LHX9: variants seen among roughly 807,000 people sequenced by gnomAD.
LHX9 encodes the protein LIM homeobox 9, also known as LIM/homeobox protein Lhx9.
A neutral mutation model predicts 36.5 loss-of-function variants in LHX9; 9 were observed. That is an observed-to-expected ratio of 0.25 (90% CI 0.15 to 0.43). The LOEUF is 0.43. LHX9 is among the 20% of genes least tolerant of loss of function. The pLI is 1.00. For synonymous variants in LHX9, 211 were observed against 212.1 expected (o/e 0.99, Z 0.04); for missense variants, 464 against 526.4 (o/e 0.88, Z 1.16).
rs1263161767 is a variant in LHX9 at position 197,918,984 on chromosome 1, A to G, written c.174+987A>G. Among the ~76,000 whole-genome samples, 4 of 152,282 alleles carry G rather than the reference A, an allele frequency of 2.6e-5. No individual in the cohort carries two copies. In the East Asian group the frequency reaches 7.7e-4, roughly 29 times the overall value. On this transcript the variant is annotated intron_variant, in intron 1 of 4. Transcript: ENST00000367387. Reference sequence around the variant, plus strand: ...GAACGTGTCTATATTTGTAACACTCATTCAGTGCCGGGGCCCCTGGTCGGA... The same window carrying G: ...GAACGTGTCTATATTTGTAACACTCGTTCAGTGCCGGGGCCCCTGGTCGGA...
In LHX9 at chr1:197,921,256, G is replaced by T. The variant is rs1331338663; in HGVS notation, c.378-48G>T. On this transcript the variant is annotated intron_variant, in intron 2 of 4. Transcript: ENST00000367387. This position sits in a 1 kb window ranked among gnomAD's most constrained non-coding sequence, Gnocchi z 4.6. The stretch of plus-strand genomic sequence containing the variant: ...ACCCAGGTGTCGCGGGTGGGATATG[G>T]CTCTGCCTTGCTTCAACTAGCGCCC... 1.3e-6 allele frequency: 2 copies of T among 1,534,078 alleles called. No homozygotes were observed. Among genetic ancestry groups the T allele is most frequent in the Non-Finnish European group, 8.9e-7 (1 of 1,126,924 alleles).
intron 3 of LHX9, among the ~76,000 whole-genome samples, chr1:197,923,663 T>A (rs4915253): frequency 1 from 152,156 of 152,336 alleles, 75,989 homozygotes; most frequent in East Asian, 1. Flanking sequence ...TAATCTAATT[T>A]GCTAAATTTG....
In LHX9 at chr1:197,929,113, A is replaced by G; in HGVS notation, c.1048A>G (p.Ser350Gly). 6.2e-7 allele frequency: 1 copy of G among 1,613,750 alleles called. No homozygotes were observed. The highest frequency in any genetic ancestry group is 1.1e-5 in the South Asian group (1 of 91,054). Residue 350 changes from serine (S) to glycine (G), a missense_variant, in exon 5 of 5, where the codon AGC becomes GGC. By Grantham distance (56) the Ser-to-Gly change is moderately conservative. This residue lies in a region of LHX9 where 102 missense variants were observed against 97.0 expected (regional missense o/e 1.05). Coordinates refer to ENST00000367387, the MANE Select transcript of LHX9 (RefSeq NM_020204.3). ...TSLPAPPSAD[S>G]GALTPPGTAT... is the part of the protein sequence containing the mutation. The stretch of plus-strand genomic sequence containing the variant: ...GCTTCCGGCCCCGCCCTCAGCAGAC[A>G]GCGGAGCTCTCACTCCACCCGGCAC...
chr1:197,927,072 T>C (rs930143850), intron 3 of LHX9, among the ~76,000 whole-genome samples: 2 of 152,196 alleles, frequency 1.3e-5, no homozygotes, highest in Non-Finnish European at 2.9e-5. Flanking sequence ...CCTTAGTTGG[T>C]GGGCTCTCAG....
chr1:197,924,153 A>G (rs1376021759), intron 3 of LHX9, among the ~76,000 whole-genome samples: 2 of 152,192 alleles, frequency 1.3e-5, no homozygotes, highest in Non-Finnish European at 2.9e-5. Flanking sequence ...CCCTTCAGCA[A>G]ATTAAACACG....
In LHX9 at chr1:197,929,483, G is replaced by C. The variant is rs1660264669; in HGVS notation, c.*224G>C. 3.9e-6 allele frequency: 4 copies of C among 1,027,006 alleles called. No individual in the cohort carries two copies. Among genetic ancestry groups the C allele is most frequent in the South Asian group, 9.3e-5 (2 of 21,424 alleles). The allele number at this position is 1,027,006 out of a possible 1,614,324, so 63.6% of individuals were successfully genotyped here. On this transcript the variant is annotated 3_prime_UTR_variant, in exon 5 of 5. Coordinates refer to ENST00000367387, the MANE Select transcript of LHX9 (RefSeq NM_020204.3). Reference sequence around the variant, plus strand: ...ATATTTTGTCTACAAAGTGTATTTGGATTTAAAAAAATTAATTAGGTCTTT... The same window carrying C: ...ATATTTTGTCTACAAAGTGTATTTGCATTTAAAAAAATTAATTAGGTCTTT...
intron 1 of LHX9, chr1:197,918,507 G>T: frequency 1.6e-6 from 1 of 642,814 alleles, no homozygotes; most frequent in Non-Finnish European, 2.8e-6. Context: ...CTCGGGGCTT[G>T]GGACCCCTAA....
chr1:197,916,735 C>G (rs755792706), upstream of LHX9: 5 of 702,954 alleles, frequency 7.1e-6, no homozygotes, highest in South Asian at 4.4e-5. Context: ...CTAGTAGGGT[C>G]TCCGGCCCTC....
At chr1:197,917,090 ATGTGTG>A (rs5779891), upstream of LHX9, 882 of 157,584 alleles carry the variant, frequency 5.6e-3, 6 homozygotes, top group African/African-American at 0.021. Context: ...TCTTGGAAGG[ATGTGTG>A]TGTGTGTGTG....
At position 197,921,034 on chromosome 1, in the gene LHX9, A is replaced by T. The variant is rs1270046983; in HGVS notation, c.378-270A>T. ...GTGCTAACTAGTGGTTTGCTTTTTT[A>T]AATTTTTTTTAATGTTTTAAATTTT... On this transcript the variant is annotated intron_variant, in intron 2 of 4. Transcript: ENST00000367387. This position sits in a 1 kb window ranked among gnomAD's most constrained non-coding sequence, Gnocchi z 4.6. Among the ~76,000 whole-genome samples the T allele has an allele frequency of 6.6e-6, 1 of 152,054 alleles. No homozygotes were observed. The highest frequency in any genetic ancestry group is 1.5e-5 in the Non-Finnish European group (1 of 68,020).
chr1:197,917,340 C>A (rs989162813), upstream of LHX9: 2 of 1,275,276 alleles, frequency 1.6e-6, 1 homozygote, highest in Non-Finnish European at 2.0e-6. Context: ...GCTTTAGTCT[C>A]TTAACAAATT....
rs541021985 is a variant in LHX9, at chr1:197,921,735, A to G, written c.733+76A>G. ...ATTCGTAGAGCTCCTTCCCCGTCCAAAGTCTTGCTGCAAGAGTGTGTTTTG... is the reference window on the plus strand; with the variant it reads ...ATTCGTAGAGCTCCTTCCCCGTCCAGAGTCTTGCTGCAAGAGTGTGTTTTG... On this transcript the variant is annotated intron_variant, in intron 3 of 4. Transcript: ENST00000367387. The surrounding 1 kb of genome is among the most constrained non-coding windows in gnomAD (Gnocchi z 4.6). 32 of 1,237,848 alleles carry G rather than the reference A, an allele frequency of 2.6e-5. No homozygotes were observed. The Admixed American group carries it at 7.8e-4, about 30-fold the overall frequency. 76.7% of individuals were successfully genotyped at this position (1,237,848 alleles called of 1,614,324 possible).
intron 2 of LHX9, 48 bp downstream of exon 2, chr1:197,920,222 G>T (rs559563831): frequency 2.5e-6 from 4 of 1,571,462 alleles, no homozygotes; most frequent in Admixed American, 3.3e-5. Flanking sequence ...ACCTGGAGGG[G>T]CCATCTGCCT....
At chr1:197,914,461 G>A (rs570707891), upstream of LHX9, among the ~76,000 whole-genome samples, 1 of 152,006 alleles carries the variant, frequency 6.6e-6, no homozygotes, top group South Asian at 2.1e-4. Flanking sequence ...GTGAAAGAAA[G>A]CAGAGGTACA....
rs899301322 is a variant in LHX9, at chr1:197,930,836, T to G, written c.*1577T>G. 3.9e-5 allele frequency: 6 copies of G among 152,054 alleles called. No homozygotes were observed. Among genetic ancestry groups the G allele is most frequent in the Admixed American group, 6.5e-5 (1 of 15,278 alleles). 9.4% of individuals were successfully genotyped at this position (152,054 alleles called of 1,614,324 possible). A position where few individuals can be genotyped will look rare whatever the true frequency, so the allele number is the denominator to read the frequency against. On this transcript the variant is annotated 3_prime_UTR_variant, in exon 5 of 5. Coordinates refer to ENST00000367387, the MANE Select transcript of LHX9 (RefSeq NM_020204.3). ...CAGAAGAAAGGTGTGATTGCCATTA[T>G]ATATTTAGCAAGTATGGTTATCATC...
intron 3 of LHX9, among the ~76,000 whole-genome samples, chr1:197,922,503 G>A (rs920838537): frequency 6.6e-6 from 1 of 152,120 alleles, no homozygotes; most frequent in South Asian, 2.1e-4. Context: ...TCCCATTGTT[G>A]GTAGCCTGCC....
intron 1 of LHX9, chr1:197,918,570 A>G (rs1659854670): frequency 5.2e-6 from 3 of 578,288 alleles, no homozygotes; most frequent in Non-Finnish European, 9.3e-6. Flanking sequence ...CTAAGGAGAC[A>G]GCACTACGTT....
rs767142030 is a variant in LHX9, at chr1:197,921,600, G to A, written c.674G>A (p.Gly225Glu). The A allele has an allele frequency of 6.2e-7, 1 of 1,607,588 alleles. No individual in the cohort carries two copies. Among genetic ancestry groups the A allele is most frequent in the South Asian group, 1.1e-5 (1 of 91,036 alleles). The change falls in exon 3 of 5, where the codon GGG becomes GAG. Residue 225 changes from glycine (G) to glutamate (E), a missense_variant. By Grantham distance (98) the Gly-to-Glu change is moderately conservative. This residue lies in a region of LHX9 where 130 missense variants were observed against 109.6 expected (regional missense o/e 1.19). Transcript: ENST00000367387. This position sits in a 1 kb window ranked among gnomAD's most constrained non-coding sequence, Gnocchi z 4.6. Reference sequence around the variant, plus strand: ...AACGGTACGGGCACCGTGCAGAAAGGGCGGCCCCGGAAGCGGAAGAGCCCA... The same window carrying A: ...AACGGTACGGGCACCGTGCAGAAAGAGCGGCCCCGGAAGCGGAAGAGCCCA... ...YFNGTGTVQKGRPRKRKSPAL... is the reference protein window; with the variant it reads ...YFNGTGTVQKERPRKRKSPAL...
chr1:197,913,444 T>C (rs943791446), upstream of LHX9, among the ~76,000 whole-genome samples: 20 of 152,108 alleles, frequency 1.3e-4, no homozygotes, highest in African/African-American at 4.6e-4. Context: ...GATCCCCTAG[T>C]AGGACTGAAT....
Sources: gnomAD v4.1 joint callset for allele counts (sites outside exome capture counted in the v4.1 genomes callset) on GRCh38, gnomAD v4.1.1 for gene constraint, gnomAD v4.1.1 regional missense constraint, Gnocchi (gnomAD v3.1) non-coding constraint, MANE v1.5 for transcripts, NCBI Gene and HGNC (gene_info 2026-07-23, HGNC 2026-07-21) for gene names.